PBX1: variants seen among roughly 807,000 people sequenced by gnomAD.
The protein encoded by PBX1 is pre-B-cell leukemia transcription factor 1.
In PBX1, 6 loss-of-function variants were observed where a neutral mutation model predicts 53.4. That is an observed-to-expected ratio of 0.11 (90% CI 0.06 to 0.22). The LOEUF is 0.22. Ranked by LOEUF, PBX1 falls within the 10% of genes least tolerant of loss-of-function variation. The pLI is 1.00. For missense variants in PBX1, 251 were observed against 551.4 expected, an observed-to-expected ratio of 0.46 and a Z score of 5.46; for synonymous variants, 204 against 212.3, an observed-to-expected ratio of 0.96 and a Z score of 0.34.
chr1:164,691,349 T>A (rs1277266712), intron 2 of PBX1, among the ~76,000 whole-genome samples: 1 of 152,208 alleles, frequency 6.6e-6, no homozygotes, highest in East Asian at 1.9e-4. Flanking sequence ...TCTAGCATAG[T>A]TGGTGCTGGA....
At chr1:164,637,116 A>G (rs1248646060) in intron 2 of PBX1, among the ~76,000 whole-genome samples, 1 of 152,166 alleles carries the variant, frequency 6.6e-6, no homozygotes, top group Admixed American at 6.5e-5. Context: ...TGAGAAGAAA[A>G]TGAAATACCA....
intron 2 of PBX1, among the ~76,000 whole-genome samples, chr1:164,788,852 A>C (rs924920766): frequency 1.3e-5 from 2 of 149,810 alleles, no homozygotes; most frequent in African/African-American, 4.9e-5. Flanking sequence ...TGCAAGCAAT[A>C]TTTATGCCGT....
chr1:164,650,977 A>C (rs1659776139), intron 2 of PBX1, among the ~76,000 whole-genome samples: 1 of 144,132 alleles, frequency 6.9e-6, no homozygotes. Context: ...AAAAAAAATC[A>C]GCCTAGACCT....
intron 2 of PBX1, among the ~76,000 whole-genome samples, chr1:164,764,489 A>C (rs1666960230): frequency 6.6e-6 from 1 of 152,178 alleles, no homozygotes; most frequent in Non-Finnish European, 1.5e-5. Flanking sequence ...TAATGTGGGG[A>C]TGACCACATT....
chr1:164,666,127 T>C (rs1222175299), intron 2 of PBX1, among the ~76,000 whole-genome samples: 1 of 152,190 alleles, frequency 6.6e-6, no homozygotes, highest in Admixed American at 6.5e-5. Context: ...TACCGTTCAC[T>C]ATTCCCACGA....
intron 2 of PBX1, among the ~76,000 whole-genome samples, chr1:164,655,971 C>G (rs1472696322): frequency 1.3e-5 from 2 of 152,008 alleles, no homozygotes; most frequent in Non-Finnish European, 2.9e-5. Context: ...TAGGTATTCA[C>G]CATAACATGA....
chr1:164,826,985 T>A (rs531563521), intron 8 of PBX1, among the ~76,000 whole-genome samples: 1 of 152,318 alleles, frequency 6.6e-6, no homozygotes, highest in African/African-American at 2.4e-5. Flanking sequence ...TTGTTTTTTC[T>A]TTTCTCCCAT....
At position 164,847,134 on chromosome 1, in the gene PBX1, G is replaced by C; in HGVS notation, c.*458G>C. Reference sequence around the variant, plus strand: ...GAATCCCTCACTCCCTATGTTAACAGGCAATCCTTCTCTGTTTCTCTTATT... The same window carrying C: ...GAATCCCTCACTCCCTATGTTAACACGCAATCCTTCTCTGTTTCTCTTATT... On this transcript the variant is annotated 3_prime_UTR_variant, in exon 9 of 9. Transcript: ENST00000420696. The C allele has an allele frequency of 9.2e-7, 1 of 1,090,564 alleles. No homozygotes were observed. The allele number at this position is 1,090,564 out of a possible 1,614,324, so 67.6% of individuals were successfully genotyped here.
At chr1:164,780,741 T>C (rs1667892330) in intron 2 of PBX1, among the ~76,000 whole-genome samples, 1 of 152,200 alleles carries the variant, frequency 6.6e-6, no homozygotes, top group Admixed American at 6.5e-5. Flanking sequence ...TGTTATCTCT[T>C]TTATCCAGAG....
chr1:164,701,475 T>C (rs1427543554), intron 2 of PBX1, among the ~76,000 whole-genome samples: 6 of 152,176 alleles, frequency 3.9e-5, no homozygotes, highest in African/African-American at 1.4e-4. Context: ...GGTGTGGGTG[T>C]TTATGAAATG....
chr1:164,646,751 A>G (rs979627093), intron 2 of PBX1, among the ~76,000 whole-genome samples: 4 of 152,278 alleles, frequency 2.6e-5, no homozygotes, highest in East Asian at 3.9e-4. Flanking sequence ...AGCAGGTCCA[A>G]CTACCGCCAT....
At chr1:164,804,500 A>C (rs1263807910) in intron 4 of PBX1, among the ~76,000 whole-genome samples, 1 of 152,224 alleles carries the variant, frequency 6.6e-6, no homozygotes, top group Non-Finnish European at 1.5e-5. Flanking sequence ...CACTAGCCAC[A>C]TTGCAGCTGC....
intron 5 of PBX1, among the ~76,000 whole-genome samples, chr1:164,811,111 C>T (rs1285366985): frequency 2.0e-5 from 3 of 152,082 alleles, no homozygotes; most frequent in African/African-American, 7.2e-5. Context: ...ATAAAAACAT[C>T]GACATTTTAG....
chr1:164,574,108 G>T (rs1654057622), intron 2 of PBX1, among the ~76,000 whole-genome samples: 1 of 152,188 alleles, frequency 6.6e-6, no homozygotes, highest in East Asian at 1.9e-4. Context: ...AGCCGGGATG[G>T]GGTGGTTCCC....
intron 2 of PBX1, among the ~76,000 whole-genome samples, chr1:164,621,315 T>C (rs1657663222): frequency 6.6e-6 from 1 of 152,246 alleles, no homozygotes; most frequent in Non-Finnish European, 1.5e-5. Context: ...GTCTTCCTTC[T>C]CTTTCTGTCT....
intron 2 of PBX1, among the ~76,000 whole-genome samples, chr1:164,771,738 G>A (rs1667381853): frequency 6.6e-6 from 1 of 152,132 alleles, no homozygotes; most frequent in Non-Finnish European, 1.5e-5. Context: ...CACAGCTCAT[G>A]TGACACAGTG....
At chr1:164,610,076 G>A (rs939257538) in intron 2 of PBX1, among the ~76,000 whole-genome samples, 10 of 152,110 alleles carry the variant, frequency 6.6e-5, no homozygotes, top group South Asian at 2.1e-4. Context: ...CCATGCCTGC[G>A]CGTCTCCTTT....
chr1:164,806,982 G>C (rs1178525205), intron 4 of PBX1, among the ~76,000 whole-genome samples: 6 of 152,194 alleles, frequency 3.9e-5, no homozygotes, highest in African/African-American at 1.4e-4. Flanking sequence ...GATGGGGCTG[G>C]GCGCGGTGGC....
intron 2 of PBX1, among the ~76,000 whole-genome samples, chr1:164,741,842 GA>G (rs1665629953): frequency 6.6e-6 from 1 of 150,726 alleles, no homozygotes; most frequent in Non-Finnish European, 1.5e-5. Context: ...GTTTCCAGAG[GA>G]AAAAAATGTC....
Sources: allele counts gnomAD v4.1 joint callset (sites outside exome capture counted in the v4.1 genomes callset), GRCh38; gene constraint gnomAD v4.1.1; transcripts MANE v1.5; gene names NCBI Gene and HGNC (gene_info 2026-07-23, HGNC 2026-07-21).